TSHZ3: variants seen among roughly 807,000 people sequenced by gnomAD.
TSHZ3 encodes teashirt zinc finger homeobox 3.
A neutral mutation model predicts 64.5 loss-of-function variants in TSHZ3; 10 were observed. The observed-to-expected ratio is 0.16, with a 90% CI of 0.10 to 0.26. The LOEUF (loss-of-function observed/expected upper bound fraction) is 0.26. TSHZ3 is among the 10% of genes least tolerant of loss of function. The pLI, the probability that TSHZ3 is intolerant of heterozygous loss-of-function variation, is 1.00. For synonymous variants in TSHZ3, 608 were observed against 593.1 expected, an observed-to-expected ratio of 1.03 and a Z score of -0.36; for missense variants, 1,242 against 1,421.7, an observed-to-expected ratio of 0.87 and a Z score of 2.03.
chr19:31,296,232 T>C (rs1976656639), intron 1 of TSHZ3, among the ~76,000 whole-genome samples: 1 of 150,676 alleles, frequency 6.6e-6, no homozygotes, highest in African/African-American at 2.4e-5. Flanking sequence ...TTGTGGGGAA[T>C]GGCATGGAGA....
intron 1 of TSHZ3, among the ~76,000 whole-genome samples, chr19:31,244,177 G>A (rs1440845274): frequency 6.6e-6 from 1 of 152,172 alleles, no homozygotes; most frequent in Non-Finnish European, 1.5e-5. Context: ...CCCAGTGTTG[G>A]AGGTGGGGCC....
intron 1 of TSHZ3, among the ~76,000 whole-genome samples, chr19:31,326,801 A>G (rs961058277): frequency 6.6e-6 from 1 of 152,254 alleles, no homozygotes; most frequent in Non-Finnish European, 1.5e-5. Context: ...GCGAGTGCCC[A>G]TGTCTCAGTC....
chr19:31,328,281 G>T (rs1213536308), intron 1 of TSHZ3, among the ~76,000 whole-genome samples: 1 of 152,240 alleles, frequency 6.6e-6, no homozygotes, highest in Non-Finnish European at 1.5e-5. Context: ...CACCTGAGGG[G>T]AAGACCAGTG....
intron 1 of TSHZ3, among the ~76,000 whole-genome samples, chr19:31,247,938 A>G (rs992497240): frequency 1.3e-5 from 2 of 152,192 alleles, no homozygotes; most frequent in Non-Finnish European, 2.9e-5. Context: ...TGGGTAATTT[A>G]TAAAGGAAAA....
chr19:31,301,538 G>C (rs1338089138), intron 1 of TSHZ3, among the ~76,000 whole-genome samples: 1 of 152,170 alleles, frequency 6.6e-6, no homozygotes, highest in East Asian at 1.9e-4. Context: ...GCCTGCAGTG[G>C]CTGGGCTGCC....
At chr19:31,257,272 G>GCCCAGA (rs1192321608) in intron 1 of TSHZ3, among the ~76,000 whole-genome samples, 1 of 152,216 alleles carries the variant, frequency 6.6e-6, no homozygotes, top group Non-Finnish European at 1.5e-5. Context: ...CAGAAGCTAA[G>GCCCAGA]CCCAGACACC....
intron 3 of TSHZ3, among the ~76,000 whole-genome samples, chr19:31,232,723 C>G (rs888856695): frequency 2.0e-5 from 3 of 152,176 alleles, no homozygotes; most frequent in East Asian, 3.9e-4. Context: ...CATCCTACCC[C>G]CTGCTCCAGT....
intron 1 of TSHZ3, among the ~76,000 whole-genome samples, chr19:31,254,531 A>G (rs975532563): frequency 2.0e-5 from 3 of 152,162 alleles, no homozygotes; most frequent in Non-Finnish European, 4.4e-5. Flanking sequence ...ACTGGCTTTC[A>G]TATTTCTGAG....
rs373776019 is a variant in TSHZ3, at chr19:31,278,869, G to A, written c.924C>T (p.Pro308=). Residue 308 remains proline (P), a synonymous_variant, in exon 2 of 2, where the codon CCC becomes CCT. Transcript: ENST00000240587. The surrounding 1 kb of genome is among the most constrained non-coding windows in gnomAD (Gnocchi z 4.7). Reference sequence around the variant, plus strand: ...TGATTTTGGCGGCGACAGGAGTGACGGGTTCCTTCAGAGGCACTTTTTGGT... The same window carrying A: ...TGATTTTGGCGGCGACAGGAGTGACAGGTTCCTTCAGAGGCACTTTTTGGT... The part of the protein sequence containing the change: ...KHYQKVPLKE[P]VTPVAAKIIP... The A allele has an allele frequency of 6.4e-5, 104 of 1,613,938 alleles. No individual in the cohort carries two copies. The highest frequency in any genetic ancestry group is 1.6e-4 in the Middle Eastern group (1 of 6,084).
intron 4 of TSHZ3, among the ~76,000 whole-genome samples, chr19:31,226,556 T>A (rs1975464389): frequency 6.6e-6 from 1 of 152,160 alleles, no homozygotes. Flanking sequence ...GATTACCCAG[T>A]CTCAGGTATG....
At chr19:31,171,974 TC>T in intron 5 of TSHZ3, among the ~76,000 whole-genome samples, 1 of 152,326 alleles carries the variant, frequency 6.6e-6, no homozygotes, top group East Asian at 1.9e-4. Flanking sequence ...ATTTGTTCAT[TC>T]CAGGCCTTAT....
rs993828906 is a variant in TSHZ3 at position 31,167,961 on chromosome 19, G to A, written n.810-11544C>T. ...GTAAGTCACATATGTATGTAGGCAC[G>A]TTTGAGTCCACGGTGTGTTTCTAAA... On this transcript the variant is annotated intron_variant and non_coding_transcript_variant, in intron 5 of 6. Coordinates refer to the TSHZ3 transcript ENST00000651361. 10 of 152,076 alleles carry A rather than the reference G, an allele frequency of 6.6e-5. 1 individual carries two copies. Among genetic ancestry groups the A allele is most frequent in the Admixed American group, 6.6e-4 (10 of 15,252 alleles). 9.4% of individuals were successfully genotyped at this position (152,076 alleles called of 1,614,324 possible).
chr19:31,304,897 G>A (rs960646866), intron 1 of TSHZ3, among the ~76,000 whole-genome samples: 4 of 152,212 alleles, frequency 2.6e-5, no homozygotes, highest in Non-Finnish European at 5.9e-5. Flanking sequence ...TTGACATTTA[G>A]CATTCACTCA....
At chr19:31,185,176 T>C (rs1409613028) in intron 5 of TSHZ3, among the ~76,000 whole-genome samples, 1 of 151,322 alleles carries the variant, frequency 6.6e-6, no homozygotes, top group Non-Finnish European at 1.5e-5. Context: ...CTTCCGCCAG[T>C]GGCCGCCATG....
intron 1 of TSHZ3, among the ~76,000 whole-genome samples, chr19:31,267,365 T>C (rs1438115979): frequency 6.6e-6 from 1 of 152,080 alleles, no homozygotes; most frequent in Non-Finnish European, 1.5e-5. Context: ...AACAAAACCA[T>C]AGGACCTCCA....
At chr19:31,273,330 G>A (rs370901693), downstream of TSHZ3, among the ~76,000 whole-genome samples, 2 of 152,118 alleles carry the variant, frequency 1.3e-5, no homozygotes, top group Admixed American at 6.5e-5. Flanking sequence ...CTGGCTAAAC[G>A]CCCAAGGTGT....
At chr19:31,151,901 C>T (rs901468168) in intron 6 of TSHZ3, among the ~76,000 whole-genome samples, 1 of 152,124 alleles carries the variant, frequency 6.6e-6, no homozygotes, top group African/African-American at 2.4e-5. Context: ...TGTAAGCTAA[C>T]AATGGATGAT....
intron 5 of TSHZ3, among the ~76,000 whole-genome samples, chr19:31,164,519 G>A (rs1225224604): frequency 6.6e-6 from 1 of 152,134 alleles, no homozygotes; most frequent in Non-Finnish European, 1.5e-5. Context: ...CACATTTGTT[G>A]AATAAATGAA....
chr19:31,151,848 G>T (rs1599548906), intron 6 of TSHZ3, among the ~76,000 whole-genome samples: 2 of 152,106 alleles, frequency 1.3e-5, no homozygotes, highest in Non-Finnish European at 2.9e-5. Context: ...TTAATTAAGT[G>T]CATTTTTTCA....
Sources: gnomAD v4.1 joint callset for allele counts (sites outside exome capture counted in the v4.1 genomes callset) on GRCh38, gnomAD v4.1.1 for gene constraint, Gnocchi (gnomAD v3.1) non-coding constraint, MANE v1.5 for transcripts, NCBI Gene and HGNC (gene_info 2026-07-23, HGNC 2026-07-21) for gene names.